EIPR1: variants seen among roughly 807,000 people sequenced by gnomAD.
The protein encoded by EIPR1 is EARP complex and GARP complex interacting protein 1.
EIPR1 carries 25 observed loss-of-function variants against 48.1 expected under a neutral mutation model. The observed-to-expected ratio is 0.52, with a 90% CI of 0.38 to 0.73. EIPR1 has a LOEUF of 0.73. Among genes scored for constraint, EIPR1 ranks in the 30% least tolerant of loss-of-function variants. The pLI is 0.00. For synonymous variants in EIPR1, 204 were observed against 201.9 expected, an observed-to-expected ratio of 1.01 and a Z score of -0.09; for missense variants, 415 against 506.2, an observed-to-expected ratio of 0.82 and a Z score of 1.73.
intron 4 of EIPR1, among the ~76,000 whole-genome samples, chr2:3,238,085 G>T (rs1296060780): frequency 6.6e-6 from 1 of 152,110 alleles, no homozygotes; most frequent in Non-Finnish European, 1.5e-5. Context: ...TGAAAATTTG[G>T]CTGGACACTG....
rs947238836 is a variant in EIPR1 at position 3,193,476 on chromosome 2, C to T, written c.821+523G>A. ...TGCATAAAAATGGATTCATGCTATA[C>T]ATGCCATTGTACAACTTGATCTTTT... On this transcript the variant is annotated intron_variant, in intron 7 of 8. Coordinates refer to ENST00000382125, the MANE Select transcript of EIPR1 (RefSeq NM_003310.5). Among the ~76,000 whole-genome samples the T allele has an allele frequency of 4.6e-5, 7 of 152,218 alleles. No individual in the cohort carries two copies. In the South Asian group the frequency reaches 1.0e-3, roughly 22 times the overall value.
chr2:3,367,907 C>G (rs983405318), intron 1 of EIPR1, among the ~76,000 whole-genome samples: 1 of 151,860 alleles, frequency 6.6e-6, no homozygotes, highest in Admixed American at 6.6e-5. Context: ...TAGCCAGGCG[C>G]GGTGGCAGGC....
intron 3 of EIPR1, among the ~76,000 whole-genome samples, chr2:3,302,914 G>A (rs1470477618): frequency 6.6e-6 from 1 of 152,168 alleles, no homozygotes; most frequent in African/African-American, 2.4e-5. Flanking sequence ...CAGGGCCAAG[G>A]TCAGCAGGAG....
intron 3 of EIPR1, among the ~76,000 whole-genome samples, chr2:3,333,050 C>G (rs956993742): frequency 1.3e-5 from 2 of 152,176 alleles, no homozygotes; most frequent in African/African-American, 4.8e-5. Context: ...AAGGAGACTG[C>G]CTGTGGGCGC....
At chr2:3,307,500 A>G (rs755416312) in intron 3 of EIPR1, among the ~76,000 whole-genome samples, 1 of 152,186 alleles carries the variant, frequency 6.6e-6, no homozygotes, top group Non-Finnish European at 1.5e-5. Context: ...GTGCAATAGA[A>G]CCAGCAGCCC....
rs370783535 is a variant in EIPR1 at position 3,269,587 on chromosome 2, A to G, written c.260-12132T>C. ...TCATCGCACTCAGTCATCGCACTCA[A>G]TCATCGCACTCAATCGCACTCAATC... On this transcript the variant is annotated intron_variant, in intron 3 of 8. Transcript: ENST00000382125. Among the ~76,000 whole-genome samples, 35 of 29,068 alleles carry G rather than the reference A, an allele frequency of 1.2e-3. 1 individual carries two copies. The highest frequency in any genetic ancestry group is 3.5e-3 in the African/African-American group (18 of 5,138). 19.1% of individuals were successfully genotyped at this position (29,068 alleles called of 152,430 possible).
At chr2:3,293,088 CCT>C (rs1327948801) in intron 3 of EIPR1, among the ~76,000 whole-genome samples, 25 of 152,258 alleles carry the variant, frequency 1.6e-4, no homozygotes, top group African/African-American at 5.8e-4. Context: ...TACGAGTCTT[CCT>C]CTGTTTCCTT....
intron 3 of EIPR1, among the ~76,000 whole-genome samples, chr2:3,276,082 C>T (rs1667839307): frequency 6.6e-6 from 1 of 152,154 alleles, no homozygotes; most frequent in Admixed American, 6.5e-5. Context: ...AAGGACACCA[C>T]TAAAGTGAAG....
At chr2:3,332,153 T>A (rs1165904817) in intron 3 of EIPR1, among the ~76,000 whole-genome samples, 2 of 152,166 alleles carry the variant, frequency 1.3e-5, no homozygotes, top group Non-Finnish European at 2.9e-5. Context: ...GAAACATACA[T>A]TAGAAATAAA....
At chr2:3,296,708 C>T (rs1245280940) in intron 3 of EIPR1, among the ~76,000 whole-genome samples, 1 of 150,790 alleles carries the variant, frequency 6.6e-6, no homozygotes, top group African/African-American at 2.4e-5. Flanking sequence ...CTACAGAATC[C>T]ATCCAGCCCA....
intron 4 of EIPR1, among the ~76,000 whole-genome samples, chr2:3,250,958 A>C (rs557347696): frequency 1.3e-5 from 2 of 152,140 alleles, no homozygotes; most frequent in African/African-American, 4.8e-5. Context: ...TTTTTAATAA[A>C]TTATCCAGTC....
chr2:3,251,229 C>T (rs1207077627), intron 4 of EIPR1, among the ~76,000 whole-genome samples: 1 of 152,166 alleles, frequency 6.6e-6, no homozygotes, highest in Non-Finnish European at 1.5e-5. Context: ...TGCGGCCGTG[C>T]CCTCTGTAAG....
rs531351603 is a variant in EIPR1 at position 3,351,002 on chromosome 2, C to T, written c.126+3548G>A. On this transcript the variant is annotated intron_variant, in intron 2 of 8. Transcript: ENST00000382125. ...TTAAAACACTTTCTGTCATTTTGGG[C>T]GATTTTTTTTTTTTTAGACAGAGTC... Among the ~76,000 whole-genome samples the T allele has an allele frequency of 4.3e-5, 5 of 117,406 alleles. No homozygotes were observed. In the East Asian group the frequency reaches 9.8e-4, roughly 23 times the overall value. 77.0% of individuals were successfully genotyped at this position (117,406 alleles called of 152,430 possible).
Position 3,240,249 on chromosome 2 carries a change from A to C in EIPR1, c.416+17050T>G. On this transcript the variant is annotated intron_variant, in intron 4 of 8. Coordinates refer to ENST00000382125, the MANE Select transcript of EIPR1 (RefSeq NM_003310.5). The stretch of plus-strand genomic sequence containing the variant: ...AAGCCAGCAGACCCTTCCTAAAGCA[A>C]AGCCAGCAGACTCTTCCTCAGGAAC... Among the ~76,000 whole-genome samples the C allele has an allele frequency of 1.3e-5, 2 of 151,662 alleles. 1 individual carries two copies. Among genetic ancestry groups the C allele is most frequent in the Non-Finnish European group, 2.9e-5 (2 of 67,932 alleles).
At position 3,242,227 on chromosome 2, in the gene EIPR1, G is replaced by A. The variant is rs973331065; in HGVS notation, c.416+15072C>T. On this transcript the variant is annotated intron_variant, in intron 4 of 8. Transcript: ENST00000382125. ...TGGAAGACAGAGATTTCAGGCCCCCGACTCCACACCATGGGCCCGGCAGCA... is the reference window on the plus strand; with the variant it reads ...TGGAAGACAGAGATTTCAGGCCCCCAACTCCACACCATGGGCCCGGCAGCA... 4.9e-4 allele frequency among the ~76,000 whole-genome samples: 71 copies of A among 144,984 alleles called. 1 individual carries two copies. The highest frequency in any genetic ancestry group is 4.2e-3 in the Admixed American group (62 of 14,744).
At chr2:3,269,311 CT>C (rs1667601098) in intron 3 of EIPR1, among the ~76,000 whole-genome samples, 1 of 126,534 alleles carries the variant, frequency 7.9e-6, no homozygotes, top group Admixed American at 8.2e-5. Flanking sequence ...AGTCATCGCA[CT>C]CAGTCATCGC....
chr2:3,331,388 C>T (rs1274636156), intron 3 of EIPR1, among the ~76,000 whole-genome samples: 3 of 46,500 alleles, frequency 6.5e-5, no homozygotes, highest in African/African-American at 3.6e-4. Flanking sequence ...ATGGTGTGAG[C>T]AGAGGCAGGT....
At chr2:3,200,812 G>A (rs553251405) in intron 5 of EIPR1, among the ~76,000 whole-genome samples, 1 of 152,162 alleles carries the variant, frequency 6.6e-6, no homozygotes, top group South Asian at 2.1e-4. Flanking sequence ...AACAGTGGGG[G>A]CAGGGCTGGA....
chr2:3,201,319 G>A (rs1440885399), intron 5 of EIPR1, among the ~76,000 whole-genome samples: 8 of 152,210 alleles, frequency 5.3e-5, no homozygotes, highest in African/African-American at 9.6e-5. Flanking sequence ...CCAGGCACTC[G>A]CCAGGAACAA....
Sources: allele counts gnomAD v4.1 joint callset (sites outside exome capture counted in the v4.1 genomes callset), GRCh38; gene constraint gnomAD v4.1.1; transcripts MANE v1.5; gene names NCBI Gene and HGNC (gene_info 2026-07-23, HGNC 2026-07-21).